VWC2: variants seen among roughly 807,000 people sequenced by gnomAD.
VWC2 encodes von Willebrand factor C domain containing 2, also known as brorin.
VWC2 carries 14 observed loss-of-function variants against 29.8 expected under a neutral mutation model. The ratio of observed to expected loss-of-function variants is 0.47; its 90% CI spans 0.31 to 0.74. The LOEUF is 0.74. VWC2 is among the 30% of genes least tolerant of loss of function. VWC2 has a pLI of 0.05. For synonymous variants in VWC2, 213 were observed against 199.0 expected (o/e 1.07, Z -0.59); for missense variants, 457 against 459.8 (o/e 0.99, Z 0.05).
At chr7:49,884,655 T>C (rs906128936) in intron 3 of VWC2, among the ~76,000 whole-genome samples, 5 of 152,170 alleles carry the variant, frequency 3.3e-5, no homozygotes, top group African/African-American at 1.2e-4. Flanking sequence ...GTTGAGCTGG[T>C]TTCCTCAGGA....
At position 49,798,163 on chromosome 7, in the gene VWC2, G is replaced by A. The variant is rs151277332; in HGVS notation, c.697-4548G>A. 2.6e-5 allele frequency among the ~76,000 whole-genome samples: 4 copies of A among 152,382 alleles called. No individual in the cohort carries two copies. The East Asian group carries it at 7.7e-4, about 29-fold the overall frequency. On this transcript the variant is annotated intron_variant, in intron 2 of 3. Transcript: ENST00000340652. The stretch of plus-strand genomic sequence containing the variant: ...GGACAAAGAGCACAGCCTGGCAAAA[G>A]GCCCATGGTGCTTGAGTTGGCACGT...
intron 3 of VWC2, among the ~76,000 whole-genome samples, chr7:49,873,922 C>CA (rs1004741809): frequency 4.7e-5 from 7 of 147,918 alleles, no homozygotes; most frequent in East Asian, 3.9e-4. Flanking sequence ...AAAAAAACAA[C>CA]AAAAAAAAGA....
chr7:49,848,065 C>T (rs973717893), intron 3 of VWC2, among the ~76,000 whole-genome samples: 2 of 152,200 alleles, frequency 1.3e-5, no homozygotes, highest in African/African-American at 4.8e-5. Flanking sequence ...GAAGCTTCTA[C>T]AGGTCTCAGT....
At chr7:49,848,820 C>T (rs1252040368) in intron 3 of VWC2, among the ~76,000 whole-genome samples, 1 of 152,182 alleles carries the variant, frequency 6.6e-6, no homozygotes, top group Non-Finnish European at 1.5e-5. Flanking sequence ...TTCAAATACA[C>T]TTTTATAGTA....
intron 3 of VWC2, among the ~76,000 whole-genome samples, chr7:49,897,264 T>A (rs1403122045): frequency 6.6e-6 from 1 of 152,190 alleles, no homozygotes; most frequent in East Asian, 1.9e-4. Flanking sequence ...TTAATTAGTA[T>A]CCTTAAATCT....
At chr7:49,820,983 A>T (rs960444615) in intron 3 of VWC2, among the ~76,000 whole-genome samples, 1 of 152,318 alleles carries the variant, frequency 6.6e-6, no homozygotes. Flanking sequence ...ATGGAACTAC[A>T]GTCTGGAGAT....
intron 2 of VWC2, among the ~76,000 whole-genome samples, chr7:49,781,532 G>T (rs1192544784): frequency 6.6e-6 from 1 of 152,074 alleles, no homozygotes; most frequent in Non-Finnish European, 1.5e-5. Context: ...GAAAACTAAG[G>T]TCCGAAAAAG....
At chr7:49,871,449 T>A (rs1442854308) in intron 3 of VWC2, among the ~76,000 whole-genome samples, 1 of 152,220 alleles carries the variant, frequency 6.6e-6, no homozygotes, top group African/African-American at 2.4e-5. Context: ...ATATACTGTA[T>A]ACATTCATGA....
Position 49,921,841 on chromosome 7 carries a change from C to A in VWC2, c.*9656C>A, listed in dbSNP as rs1036813356. 3 of 151,656 alleles carry A rather than the reference C, an allele frequency of 2.0e-5. 1 individual carries two copies. In the South Asian group the frequency reaches 6.2e-4, roughly 32 times the overall value. The allele number at this position is 151,656 out of a possible 1,614,324, so 9.4% of individuals were successfully genotyped here. On this transcript the variant is annotated 3_prime_UTR_variant, in exon 4 of 4. Transcript: ENST00000340652. ...TTTACCAGAAAAATGTTTTGTAATA[C>A]CTTAATTTTATGTGGAGTTGAATTT... is the stretch of plus-strand genomic sequence containing the variant.
intron 2 of VWC2, among the ~76,000 whole-genome samples, chr7:49,800,019 G>A (rs538633672): frequency 9.9e-4 from 151 of 152,164 alleles, no homozygotes; most frequent in Non-Finnish European, 1.9e-3. Flanking sequence ...ACATGAGTGC[G>A]GCTGAATCAG....
intron 3 of VWC2, among the ~76,000 whole-genome samples, chr7:49,851,451 G>GGGGACACTTGCTTAGC (rs1790175110): frequency 6.6e-6 from 1 of 152,196 alleles, no homozygotes; most frequent in Non-Finnish European, 1.5e-5. Flanking sequence ...CCACAGGAAA[G>GGGGACACTTGCTTAGC]GGGACACTTG....
At chr7:49,858,751 G>C (rs1274653205) in intron 3 of VWC2, among the ~76,000 whole-genome samples, 1 of 152,060 alleles carries the variant, frequency 6.6e-6, no homozygotes, top group African/African-American at 2.4e-5. Context: ...CACAATGCAA[G>C]ATTATGCATT....
rs551139877 is a variant in VWC2, at chr7:49,874,648, TCTTC to T, written c.827-37382_827-37379del. On this transcript the variant is annotated intron_variant, in intron 3 of 3. Transcript: ENST00000340652. ...GTGACAGGATTGGGGGTATTTATGT[TCTTC>T]CTTTTTCTTTTCTGGAATTTATAAA... Among the ~76,000 whole-genome samples the T allele has an allele frequency of 3.7e-3, 563 of 152,300 alleles. 4 individuals are homozygous for T. Among genetic ancestry groups the T allele is most frequent in the Non-Finnish European group, 5.1e-3 (348 of 68,016 alleles).
At chr7:49,874,686 A>C (rs964695596) in intron 3 of VWC2, among the ~76,000 whole-genome samples, 2 of 152,172 alleles carry the variant, frequency 1.3e-5, no homozygotes, top group Non-Finnish European at 1.5e-5. Context: ...AAATTGCTGT[A>C]ACCTTTACTT....
At chr7:49,792,144 C>T (rs933845993) in intron 2 of VWC2, among the ~76,000 whole-genome samples, 3 of 152,206 alleles carry the variant, frequency 2.0e-5, no homozygotes, top group African/African-American at 7.2e-5. Context: ...CTGGAAGGGA[C>T]CTGAGCATCC....
At chr7:49,890,811 T>C (rs561530739) in intron 3 of VWC2, among the ~76,000 whole-genome samples, 1 of 152,254 alleles carries the variant, frequency 6.6e-6, no homozygotes, top group South Asian at 2.1e-4. Context: ...GAAGGCTCAC[T>C]GAGATAAACC....
chr7:49,818,223 G>A (rs1789190482), intron 3 of VWC2, among the ~76,000 whole-genome samples: 1 of 152,168 alleles, frequency 6.6e-6, no homozygotes, highest in African/African-American at 2.4e-5. Flanking sequence ...TTCAGAGGAT[G>A]GGGAGCCAAA....
At chr7:49,859,790 G>GCGCA (rs765470720) in intron 3 of VWC2, among the ~76,000 whole-genome samples, 44 of 12,022 alleles carry the variant, frequency 3.7e-3, no homozygotes, top group Non-Finnish European at 4.3e-3. Context: ...GCGCGTGCGT[G>GCGCA]CACACACACA....
chr7:49,890,628 G>A (rs556696393), intron 3 of VWC2, among the ~76,000 whole-genome samples: 2 of 151,960 alleles, frequency 1.3e-5, no homozygotes, highest in Non-Finnish European at 2.9e-5. Context: ...TCATCCCAAA[G>A]CTACTTTTAG....
Sources: allele counts gnomAD v4.1 joint callset (sites outside exome capture counted in the v4.1 genomes callset), GRCh38; gene constraint gnomAD v4.1.1; transcripts MANE v1.5; gene names NCBI Gene and HGNC (gene_info 2026-07-23, HGNC 2026-07-21).